Variants in TMEM237 observed in about 807,000 individuals in gnomAD.
TMEM237 encodes the protein amyotrophic lateral sclerosis 2 (juvenile) chromosome region, candidate 4.
A neutral mutation model predicts 59.1 loss-of-function variants in TMEM237; 51 were observed. The ratio of observed to expected loss-of-function variants is 0.86; its 90% CI spans 0.69 to 1.09. TMEM237 has a LOEUF of 1.09. Among genes scored for constraint, TMEM237 ranks in the 50% least tolerant of loss-of-function variants. The pLI is 0.00. For synonymous variants in TMEM237, 140 were observed against 166.1 expected (o/e 0.84, Z 1.21); for missense variants, 475 against 478.3 (o/e 0.99, Z 0.06).
intron 1 of TMEM237, among the ~76,000 whole-genome samples, 164 bp from the exon 2 acceptor site, chr2:201,641,088 T>C (rs1687405281): frequency 6.6e-6 from 1 of 151,468 alleles, no homozygotes; most frequent in South Asian, 2.1e-4. Context: ...ATCTCCTGGG[T>C]TCAAGCAATT....
In TMEM237 at chr2:201,626,226, A is replaced by ATCTATTTTAT. The variant is rs1957757688; in HGVS notation, c.1038-80_1038-79insATAAAATAGA. 4 of 1,467,266 alleles carry ATCTATTTTAT rather than the reference A, an allele frequency of 2.7e-6. No homozygotes were observed. In the African/African-American group the frequency reaches 5.7e-5, roughly 21 times the overall value. The allele number at this position is 1,467,266 out of a possible 1,614,324, so 90.9% of individuals were successfully genotyped here. On this transcript the variant is annotated intron_variant, in intron 11 of 12. Transcript: ENST00000409883. ...AAATATATCTATTTTATGAACTTTA[A>ATCTATTTTAT]GAAAAAACAGCAGTCCTCTCCTAGA...
At position 201,620,867 on chromosome 2, in the gene TMEM237, T is replaced by G. The variant is rs1273237752; in HGVS notation, c.*3388A>C. 6.6e-6 allele frequency: 1 copy of G among 152,216 alleles called. No homozygotes were observed. The highest frequency in any genetic ancestry group is 1.5e-5 in the Non-Finnish European group (1 of 68,034). The allele number at this position is 152,216 out of a possible 1,614,324, so 9.4% of individuals were successfully genotyped here. On this transcript the variant is annotated 3_prime_UTR_variant, in exon 13 of 13. Coordinates refer to ENST00000409883, the MANE Select transcript of TMEM237 (RefSeq NM_001044385.3). ...TGATTTTGACAACTTTCACATCCTATTAGTGGGCTCACACTGTTAGTTGCT... is the reference window on the plus strand; with the variant it reads ...TGATTTTGACAACTTTCACATCCTAGTAGTGGGCTCACACTGTTAGTTGCT...
chr2:201,643,502 G>T lies in TMEM237; in HGVS notation c.-102C>A. On this transcript the variant is annotated 5_prime_UTR_variant, in exon 1 of 13. Coordinates refer to ENST00000409883, the MANE Select transcript of TMEM237 (RefSeq NM_001044385.3). The surrounding 1 kb of genome is among the most constrained non-coding windows in gnomAD (Gnocchi z 4.3). ...GGGACCTGTGGGACGCCGGGGCTTC[G>T]TGGCGCCTGGCGAGGCAGCCGCCCC... The T allele has an allele frequency of 9.4e-7, 1 of 1,060,174 alleles. No individual in the cohort carries two copies. Among genetic ancestry groups the T allele is most frequent in the Non-Finnish European group, 1.2e-6 (1 of 805,472 alleles). The allele number at this position is 1,060,174 out of a possible 1,614,324, so 65.7% of individuals were successfully genotyped here.
intron 1 of TMEM237, among the ~76,000 whole-genome samples, chr2:201,641,159 T>G (rs1350158870): frequency 6.6e-6 from 1 of 152,048 alleles, no homozygotes; most frequent in Admixed American, 6.5e-5. Context: ...GCCCGGCTAA[T>G]TTTTGTATTT....
At chr2:201,634,967 C>A in intron 5 of TMEM237, 1 of 303,974 alleles carries the variant, frequency 3.3e-6, no homozygotes, top group Non-Finnish European at 7.0e-6. Flanking sequence ...GAGCACTAAT[C>A]TCCCCATCTT....
At position 201,629,785 on chromosome 2, in the gene TMEM237, G is replaced by A. The variant is rs1025193072; in HGVS notation, c.621C>T (p.Asp207=). Residue 207 remains aspartate, a synonymous_variant, in exon 8 of 13, where the codon GAC becomes GAT. Transcript: ENST00000409883. Reference sequence around the variant, plus strand: ...CTCTGGTGGTCCAGGAAGGCTTCACGTCCATTGACACATCTATGTTTTCTG... The same window carrying A: ...CTCTGGTGGTCCAGGAAGGCTTCACATCCATTGACACATCTATGTTTTCTG... ...KTTENIDVSM[D]VKPSWTTRDV... is the part of the protein sequence containing the mutation. 5.0e-6 allele frequency: 8 copies of A among 1,613,452 alleles called. No homozygotes were observed. Among genetic ancestry groups the A allele is most frequent in the East Asian group, 2.2e-5 (1 of 44,872 alleles).
At position 201,643,295 on chromosome 2, in the gene TMEM237, C is replaced by T; in HGVS notation, c.42+64G>A. Reference sequence around the variant, plus strand: ...TGGCGCCCCCCCACACACACCCACCCCCACTGCCAAGTGTAGCTGTTTACC... The same window carrying T: ...TGGCGCCCCCCCACACACACCCACCTCCACTGCCAAGTGTAGCTGTTTACC... On this transcript the variant is annotated intron_variant, in intron 1 of 12. Transcript: ENST00000409883. This position sits in a 1 kb window ranked among gnomAD's most constrained non-coding sequence, Gnocchi z 4.3. The T allele has an allele frequency of 2.0e-6, 3 of 1,498,006 alleles. No individual in the cohort carries two copies. Among genetic ancestry groups the T allele is most frequent in the South Asian group, 1.2e-5 (1 of 82,312 alleles). 92.8% of individuals were successfully genotyped at this position (1,498,006 alleles called of 1,614,324 possible). A position where few individuals can be genotyped will look rare whatever the true frequency, so the allele number is the denominator to read the frequency against.
At chr2:201,637,825 C>CTAAAA (rs1169522061) in intron 4 of TMEM237, among the ~76,000 whole-genome samples, 1 of 150,520 alleles carries the variant, frequency 6.6e-6, no homozygotes, top group Non-Finnish European at 1.5e-5. Context: ...GAAATGTAAA[C>CTAAAA]TAAAATAAGC....
chr2:201,643,238 G>A lies in TMEM237; in HGVS notation c.42+121C>T. ...AGGGGCGGATGCGCGCACCCCACGA[G>A]CAAGGCCCTCCCTTAGTGATTCCCA... is the stretch of plus-strand genomic sequence containing the variant. On this transcript the variant is annotated intron_variant, in intron 1 of 12. Coordinates refer to ENST00000409883, the MANE Select transcript of TMEM237 (RefSeq NM_001044385.3). This position sits in a 1 kb window ranked among gnomAD's most constrained non-coding sequence, Gnocchi z 4.3. 3 of 1,139,706 alleles carry A rather than the reference G, an allele frequency of 2.6e-6. No individual in the cohort carries two copies. Among genetic ancestry groups the A allele is most frequent in the Non-Finnish European group, 3.7e-6 (3 of 803,526 alleles). The allele number at this position is 1,139,706 out of a possible 1,614,324, so 70.6% of individuals were successfully genotyped here.
Position 201,623,206 on chromosome 2 carries a change from TC to T in TMEM237, c.*1048del. The T allele has an allele frequency of 2.4e-6, 1 of 416,602 alleles. No homozygotes were observed. The highest frequency in any genetic ancestry group is 1.8e-5 in the South Asian group (1 of 56,436). 25.8% of individuals were successfully genotyped at this position (416,602 alleles called of 1,614,324 possible). A position where few individuals can be genotyped will look rare whatever the true frequency, so the allele number is the denominator to read the frequency against. ...TCTATAACATTCAGGTGCTTGCTAA[TC>T]AGGGCAGGCTCAATAGTTTTATTGA... On this transcript the variant is annotated 3_prime_UTR_variant, in exon 13 of 13. Coordinates refer to ENST00000409883, the MANE Select transcript of TMEM237 (RefSeq NM_001044385.3).
At chr2:201,640,774 A>AT (rs955039334) in intron 2 of TMEM237, 119 bp downstream of exon 2, 12 of 853,692 alleles carry the variant, frequency 1.4e-5, no homozygotes, top group Admixed American at 1.2e-4. Flanking sequence ...AAATCCCTAA[A>AT]TTTTTCAGAA....
intron 1 of TMEM237, 69 bp from the exon 2 acceptor site, chr2:201,640,993 G>A (rs370224784): frequency 1.0e-5 from 14 of 1,405,644 alleles, no homozygotes; most frequent in African/African-American, 4.4e-5. Flanking sequence ...ATACCATCAC[G>A]CTATTTTTTT....
rs1410860614 is a variant in TMEM237, at chr2:201,623,574, T to C, written c.*681A>G. 2 of 152,594 alleles carry C rather than the reference T, an allele frequency of 1.3e-5. No homozygotes were observed. Among genetic ancestry groups the C allele is most frequent in the Non-Finnish European group, 2.9e-5 (2 of 68,326 alleles). The allele number at this position is 152,594 out of a possible 1,614,324, so 9.5% of individuals were successfully genotyped here. ...GCCCTGCTCAGCCTCTTTTGCTACA[T>C]AGATTTTTAAAATCTCCCTCTATGA... On this transcript the variant is annotated 3_prime_UTR_variant, in exon 13 of 13. Coordinates refer to ENST00000409883, the MANE Select transcript of TMEM237 (RefSeq NM_001044385.3).
At chr2:201,632,682 TAGTA>T (rs1415768507) in intron 6 of TMEM237, among the ~76,000 whole-genome samples, 1 of 152,208 alleles carries the variant, frequency 6.6e-6, no homozygotes, top group Non-Finnish European at 1.5e-5. Context: ...TCCACCATGA[TAGTA>T]AGTTTCCTGA....
At chr2:201,633,744 T>C (rs1353966774) in intron 5 of TMEM237, among the ~76,000 whole-genome samples, 1 of 152,178 alleles carries the variant, frequency 6.6e-6, no homozygotes, top group Non-Finnish European at 1.5e-5. Context: ...ATCATCACAC[T>C]CACAATTATG....
At chr2:201,638,845 GC>G (rs1687353594) in intron 4 of TMEM237, 143 bp downstream of exon 4, 2 of 794,988 alleles carry the variant, frequency 2.5e-6, no homozygotes, top group African/African-American at 3.5e-5. Context: ...GAATTCCACT[GC>G]TTCAAACTGG....
rs1201546044 is a variant in TMEM237, at chr2:201,643,290, C to A, written c.42+69G>T. The A allele has an allele frequency of 7.6e-6, 11 of 1,448,504 alleles. No individual in the cohort carries two copies. Among genetic ancestry groups the A allele is most frequent in the African/African-American group, 1.4e-5 (1 of 70,534 alleles). 89.7% of individuals were successfully genotyped at this position (1,448,504 alleles called of 1,614,324 possible). ...CTCGTTGGCGCCCCCCCACACACACCCACCCCCACTGCCAAGTGTAGCTGT... is the reference window on the plus strand; with the variant it reads ...CTCGTTGGCGCCCCCCCACACACACACACCCCCACTGCCAAGTGTAGCTGT... On this transcript the variant is annotated intron_variant, in intron 1 of 12. Coordinates refer to ENST00000409883, the MANE Select transcript of TMEM237 (RefSeq NM_001044385.3). The surrounding 1 kb of genome is among the most constrained non-coding windows in gnomAD (Gnocchi z 4.3).
chr2:201,630,671 G>GC (rs1957800105), intron 7 of TMEM237, among the ~76,000 whole-genome samples: 1 of 152,148 alleles, frequency 6.6e-6, no homozygotes, highest in Non-Finnish European at 1.5e-5. Context: ...GCTAAGTGAA[G>GC]CAAGAATAAA....
chr2:201,636,561 A>G (rs1687299878), intron 5 of TMEM237, 187 bp downstream of exon 5: 3 of 631,804 alleles, frequency 4.7e-6, no homozygotes, highest in Non-Finnish European at 5.3e-6. Flanking sequence ...ATATGATCAA[A>G]AGAGACCTGT....
Sources: gnomAD v4.1 joint callset for allele counts (sites outside exome capture counted in the v4.1 genomes callset) on GRCh38, gnomAD v4.1.1 for gene constraint, Gnocchi (gnomAD v3.1) non-coding constraint, MANE v1.5 for transcripts, NCBI Gene and HGNC (gene_info 2026-07-23, HGNC 2026-07-21) for gene names.